TENM3: variants seen among roughly 807,000 people sequenced by gnomAD.
TENM3 encodes teneurin-3.
A neutral mutation model predicts 255.1 loss-of-function variants in TENM3; 63 were observed. That is an observed-to-expected ratio of 0.25 (90% CI 0.20 to 0.30). TENM3 has a LOEUF of 0.30. TENM3 is among the 10% of genes least tolerant of loss of function. The pLI is 1.00. For missense variants in TENM3, 2,929 were observed against 3,461.1 expected, an observed-to-expected ratio of 0.85 and a Z score of 3.86; for synonymous variants, 1,306 against 1,322.3, an observed-to-expected ratio of 0.99 and a Z score of 0.27.
the TENM3 span, among the ~76,000 whole-genome samples, chr4:181,961,414 G>A: frequency 9.2e-5 from 14 of 152,190 alleles, no homozygotes; most frequent in Admixed American, 7.9e-4. Flanking sequence ...TATAGTTTTT[G>A]TGGTTTTTTG....
chr4:182,600,664 CAAATT>C (rs999261611), intron 3 of TENM3, among the ~76,000 whole-genome samples: 1 of 151,898 alleles, frequency 6.6e-6, no homozygotes, highest in African/African-American at 2.4e-5. Flanking sequence ...AAATCTGAAA[CAAATT>C]AAAACCAAAA....
At chr4:182,066,601 TATA>T in the TENM3 span, among the ~76,000 whole-genome samples, 1 of 75,214 alleles carries the variant, frequency 1.3e-5, no homozygotes, top group Non-Finnish European at 3.3e-5. Flanking sequence ...AAAAAAAAAA[TATA>T]TATATATATA....
chr4:182,159,578 T>C (rs151092638), intron 1 of TENM3, among the ~76,000 whole-genome samples: 2 of 152,190 alleles, frequency 1.3e-5, no homozygotes, highest in South Asian at 2.1e-4. Context: ...GTCACACAGC[T>C]CCTGCGCTGT....
chr4:181,797,771 G>A, the TENM3 span, among the ~76,000 whole-genome samples: 1 of 152,216 alleles, frequency 6.6e-6, no homozygotes, highest in South Asian at 2.1e-4. Context: ...TTATTGCCAT[G>A]CATGGCTTTC....
chr4:182,389,030 C>T (rs550331732), intron 3 of TENM3, among the ~76,000 whole-genome samples: 97 of 152,124 alleles, frequency 6.4e-4, no homozygotes, highest in Non-Finnish European at 1.0e-3. Flanking sequence ...ATTGCAACAT[C>T]CCTATAGAAA....
At chr4:181,849,154 G>C in the TENM3 span, among the ~76,000 whole-genome samples, 1 of 152,164 alleles carries the variant, frequency 6.6e-6, no homozygotes, top group Non-Finnish European at 1.5e-5. Flanking sequence ...ATAAGTAAAA[G>C]TGCTTAATAT....
the TENM3 span, among the ~76,000 whole-genome samples, chr4:181,579,565 T>C: frequency 6.6e-6 from 1 of 152,208 alleles, no homozygotes; most frequent in Non-Finnish European, 1.5e-5. Context: ...TGATGAGTTA[T>C]GGGTTTCTTA....
the TENM3 span, among the ~76,000 whole-genome samples, chr4:182,135,113 G>C: frequency 6.8e-6 from 1 of 148,026 alleles, no homozygotes; most frequent in Non-Finnish European, 1.5e-5. Context: ...GGCTGAGGGA[G>C]GAGAATCGCT....
chr4:181,785,705 C>G, the TENM3 span, among the ~76,000 whole-genome samples: 6 of 151,900 alleles, frequency 3.9e-5, no homozygotes, highest in Non-Finnish European at 7.4e-5. Context: ...TGCCTCCCCC[C>G]AACCCCCGCC....
At chr4:182,186,757 T>C (rs1753174262) in intron 1 of TENM3, among the ~76,000 whole-genome samples, 1 of 80,514 alleles carries the variant, frequency 1.2e-5, no homozygotes, top group Non-Finnish European at 2.6e-5. Context: ...AATATACTAA[T>C]GCATCATATA....
chr4:181,642,296 T>C, the TENM3 span, among the ~76,000 whole-genome samples: 1 of 152,180 alleles, frequency 6.6e-6, no homozygotes, highest in African/African-American at 2.4e-5. Flanking sequence ...TTCATATCCT[T>C]TGCCCACTTT....
In TENM3 at chr4:182,731,049, C is replaced by G. The variant is rs756626661; in HGVS notation, c.2877C>G (p.Phe959Leu). 6.2e-7 allele frequency: 1 copy of G among 1,613,672 alleles called. No homozygotes were observed. Among genetic ancestry groups the G allele is most frequent in the African/African-American group, 1.3e-5 (1 of 74,902 alleles). ...TTCCCAGCTGTGATCTGAGTGGATTCGTGAGGCCAAATCCCATCATTGTGT... is the reference window on the plus strand; with the variant it reads ...TTCCCAGCTGTGATCTGAGTGGATTGGTGAGGCCAAATCCCATCATTGTGT... ...NDIPSCDLSG[F>L]VRPNPIIVSS... The change falls in exon 16 of 28, where the codon TTC becomes TTG. Residue 959 changes from phenylalanine to leucine, a missense_variant. Phe to Leu is a conservative substitution (Grantham distance 22). Transcript: ENST00000511685.
the TENM3 span, among the ~76,000 whole-genome samples, chr4:181,502,376 G>A: frequency 2.6e-5 from 4 of 152,160 alleles, no homozygotes; most frequent in African/African-American, 9.6e-5. Flanking sequence ...GGGTGCATGG[G>A]AGCTCTCTGT....
the TENM3 span, among the ~76,000 whole-genome samples, chr4:181,643,096 A>C: frequency 2.6e-5 from 4 of 152,276 alleles, no homozygotes; most frequent in Admixed American, 2.6e-4. Flanking sequence ...TACTTTGGGC[A>C]GTATGGCCAT....
the TENM3 span, among the ~76,000 whole-genome samples, chr4:181,812,635 C>G: frequency 6.6e-6 from 1 of 152,154 alleles, no homozygotes; most frequent in Non-Finnish European, 1.5e-5. Flanking sequence ...AAATGCTGCG[C>G]TTGCAGACAC....
the TENM3 span, among the ~76,000 whole-genome samples, chr4:181,505,569 G>T: frequency 2.4e-3 from 362 of 152,196 alleles, 2 homozygotes; most frequent in Non-Finnish European, 4.4e-3. Context: ...GAATAACAGT[G>T]ATAACACAGC....
chr4:181,448,011 A>G, the TENM3 span, among the ~76,000 whole-genome samples: 1 of 151,798 alleles, frequency 6.6e-6, no homozygotes, highest in East Asian at 1.9e-4. Context: ...TACAAATGGA[A>G]ACTCGCAAGC....
At chr4:182,591,081 C>T (rs1746595778) in intron 3 of TENM3, among the ~76,000 whole-genome samples, 1 of 152,052 alleles carries the variant, frequency 6.6e-6, no homozygotes, top group Non-Finnish European at 1.5e-5. Flanking sequence ...TAGAACAGAG[C>T]CTGGCATAAA....
the TENM3 span, among the ~76,000 whole-genome samples, chr4:182,069,903 G>A: frequency 6.6e-6 from 1 of 152,144 alleles, no homozygotes; most frequent in Non-Finnish European, 1.5e-5. Flanking sequence ...GTAATGCAAG[G>A]CATTATAATA....
Sources: gnomAD v4.1 joint callset for allele counts (sites outside exome capture counted in the v4.1 genomes callset) on GRCh38, gnomAD v4.1.1 for gene constraint, MANE v1.5 for transcripts, NCBI Gene and HGNC (gene_info 2026-07-23, HGNC 2026-07-21) for gene names.